Variants in GPC6 observed in about 807,000 individuals in gnomAD.
The protein encoded by GPC6 is glypican-6.
Under a neutral mutation model 55.2 loss-of-function variants are expected in GPC6, and 14 were observed. The observed-to-expected ratio is 0.25, with a 90% confidence interval of 0.17 to 0.40. The LOEUF is 0.40. GPC6 is among the 10% of genes least tolerant of loss of function. The pLI, the probability that GPC6 is intolerant of heterozygous loss-of-function variation, is 1.00. For missense variants in GPC6, 641 were observed against 708.5 expected (o/e 0.90, Z 1.08); for synonymous variants, 278 against 259.6 (o/e 1.07, Z -0.68).
At chr13:93,267,301 T>A (rs1297883742) in intron 1 of GPC6, among the ~76,000 whole-genome samples, 1 of 152,050 alleles carries the variant, frequency 6.6e-6, no homozygotes, top group Non-Finnish European at 1.5e-5. Flanking sequence ...AATGTAGATC[T>A]TCCAAAAAGA....
chr13:94,288,832 T>TTATATATAATAAATATATATATTTGTTA (rs1566637709), intron 5 of GPC6, among the ~76,000 whole-genome samples: 4 of 40,110 alleles, frequency 1.0e-4, no homozygotes, highest in African/African-American at 3.6e-4. Flanking sequence ...TATATATTTG[T>TTATATATAATAAATATATATATTTGTTA]TATATATAAC....
chr13:93,304,480 A>G lies in GPC6; in HGVS notation c.160+76864A>G, dbSNP rs139819019. Among the ~76,000 whole-genome samples, 13 of 152,290 alleles carry G rather than the reference A, an allele frequency of 8.5e-5. No homozygotes were observed. The East Asian group carries it at 2.5e-3, about 29-fold the overall frequency. On this transcript the variant is annotated intron_variant, in intron 1 of 8. Coordinates refer to ENST00000377047, the MANE Select transcript of GPC6 (RefSeq NM_005708.5). The stretch of plus-strand genomic sequence containing the variant: ...ATCTTCCACATTTACCTCTGTCTTA[A>G]CTTCCTCTTGGTTTTCCCCACTTTG...
At chr13:94,222,354 T>C (rs1198431859) in intron 4 of GPC6, among the ~76,000 whole-genome samples, 1 of 152,114 alleles carries the variant, frequency 6.6e-6, no homozygotes, top group African/African-American at 2.4e-5. Context: ...GATTATATCT[T>C]GTAGGAAGCA....
chr13:93,239,627 TTTTG>T (rs1405283586), intron 1 of GPC6, among the ~76,000 whole-genome samples: 3 of 151,656 alleles, frequency 2.0e-5, no homozygotes, highest in Non-Finnish European at 2.9e-5. Flanking sequence ...TCAGTTTCGG[TTTTG>T]TTTAGTTCTG....
intron 1 of GPC6, among the ~76,000 whole-genome samples, chr13:93,326,211 G>T (rs1455295534): frequency 6.6e-6 from 1 of 152,136 alleles, no homozygotes; most frequent in Non-Finnish European, 1.5e-5. Flanking sequence ...AGTTTGAGAG[G>T]CTGTGGGGTT....
chr13:93,960,583 A>G (rs372311174), intron 3 of GPC6, among the ~76,000 whole-genome samples: 1 of 152,188 alleles, frequency 6.6e-6, no homozygotes, highest in Non-Finnish European at 1.5e-5. Context: ...GCTGAGGTGT[A>G]TAAGGTTCTC....
chr13:93,853,153 CTAAT>C (rs1396090109), intron 3 of GPC6, among the ~76,000 whole-genome samples: 2 of 151,614 alleles, frequency 1.3e-5, no homozygotes, highest in African/African-American at 2.4e-5. Flanking sequence ...AAGCAATACT[CTAAT>C]TAAATGGTGG....
chr13:93,837,216 A>T lies in GPC6; in HGVS notation c.711+6671A>T, dbSNP rs145988598. Among the ~76,000 whole-genome samples, 63 of 152,270 alleles carry T rather than the reference A, an allele frequency of 4.1e-4. 1 individual carries two copies. The highest frequency in any genetic ancestry group is 1.4e-3 in the African/African-American group (59 of 41,556). ...ACCTATGTCTGAGTTATATTACTTC[A>T]TGGTAAAATTATACTATGTATAGGA... On this transcript the variant is annotated intron_variant, in intron 3 of 8. Coordinates refer to ENST00000377047, the MANE Select transcript of GPC6 (RefSeq NM_005708.5).
At chr13:93,409,722 G>A (rs1876425641) in intron 1 of GPC6, among the ~76,000 whole-genome samples, 1 of 152,172 alleles carries the variant, frequency 6.6e-6, no homozygotes, top group Non-Finnish European at 1.5e-5. Context: ...CAGGCTTTAT[G>A]CTAAGCACCT....
At chr13:94,210,368 G>C (rs1229225110) in intron 4 of GPC6, among the ~76,000 whole-genome samples, 1 of 151,660 alleles carries the variant, frequency 6.6e-6, no homozygotes, top group South Asian at 2.1e-4. Flanking sequence ...TGTTAGCCAG[G>C]CTGGTTCCAA....
chr13:93,451,161 G>A (rs2139301598), intron 1 of GPC6, among the ~76,000 whole-genome samples: 1 of 152,342 alleles, frequency 6.6e-6, no homozygotes, highest in Middle Eastern at 3.4e-3. Flanking sequence ...GACAGCATGT[G>A]GAGAGGACCA....
At chr13:93,642,685 G>T (rs1337137147) in intron 2 of GPC6, among the ~76,000 whole-genome samples, 2 of 151,936 alleles carry the variant, frequency 1.3e-5, no homozygotes, top group Non-Finnish European at 2.9e-5. Context: ...TCCAAGATTG[G>T]CCAGGGGCTA....
chr13:93,717,605 AT>A (rs1883294905), intron 2 of GPC6, among the ~76,000 whole-genome samples: 2 of 151,712 alleles, frequency 1.3e-5, no homozygotes, highest in Middle Eastern at 6.8e-3. Flanking sequence ...AACAACTATT[AT>A]TTTTTAGTTA....
intron 2 of GPC6, among the ~76,000 whole-genome samples, chr13:93,640,119 C>A (rs1879851072): frequency 6.6e-6 from 1 of 151,850 alleles, no homozygotes; most frequent in Admixed American, 6.6e-5. Flanking sequence ...TTTATGTTTT[C>A]TTTGTAATAG....
intron 4 of GPC6, among the ~76,000 whole-genome samples, chr13:94,124,490 A>C (rs1202257284): frequency 6.6e-6 from 1 of 152,096 alleles, no homozygotes; most frequent in Admixed American, 6.6e-5. Flanking sequence ...ATCAGAGAAG[A>C]CTTTATGGTC....
At chr13:94,029,976 G>C (rs991736665) in intron 4 of GPC6, among the ~76,000 whole-genome samples, 7 of 151,608 alleles carry the variant, frequency 4.6e-5, no homozygotes. Context: ...CGTCCTATAT[G>C]AACGTATTTC....
At chr13:93,554,148 A>C (rs2139447473) in intron 2 of GPC6, among the ~76,000 whole-genome samples, 1 of 151,504 alleles carries the variant, frequency 6.6e-6, no homozygotes, top group South Asian at 2.1e-4. Flanking sequence ...ACTCTGTCAA[A>C]AAAAAAAAAA....
chr13:93,687,604 G>T (rs1882095289), intron 2 of GPC6, among the ~76,000 whole-genome samples: 1 of 152,042 alleles, frequency 6.6e-6, no homozygotes, highest in Non-Finnish European at 1.5e-5. Context: ...AATCTCTGTT[G>T]CTTAGCTTGT....
chr13:93,943,988 C>A (rs1378823376), intron 3 of GPC6, among the ~76,000 whole-genome samples: 2 of 152,104 alleles, frequency 1.3e-5, no homozygotes, highest in Non-Finnish European at 2.9e-5. Context: ...CTGAACTCTC[C>A]CATCACTCAG....
Sources: gnomAD v4.1 joint callset for allele counts (sites outside exome capture counted in the v4.1 genomes callset) on GRCh38, gnomAD v4.1.1 for gene constraint, MANE v1.5 for transcripts, NCBI Gene and HGNC (gene_info 2026-07-23, HGNC 2026-07-21) for gene names.